Variants in GRIK4 observed in about 807,000 individuals in gnomAD.
GRIK4 encodes the protein glutamate receptor ionotropic, kainate 4.
In GRIK4, 40 loss-of-function variants were observed where a neutral mutation model predicts 104.9. The ratio of observed to expected loss-of-function variants is 0.38; its 90% confidence interval spans 0.30 to 0.50. GRIK4 has a LOEUF of 0.50. Ranked by LOEUF, GRIK4 falls within the 20% of genes least tolerant of loss-of-function variation. GRIK4 has a pLI of 0.93. For missense variants in GRIK4, 1,047 were observed against 1,308.1 expected (o/e 0.80, Z 3.08); for synonymous variants, 485 against 524.9 (o/e 0.92, Z 1.04).
chr11:120,792,015 G>T (rs1428459203), intron 3 of GRIK4, among the ~76,000 whole-genome samples: 3 of 152,186 alleles, frequency 2.0e-5, no homozygotes, highest in Non-Finnish European at 2.9e-5. Context: ...TTGGGGATGG[G>T]AAGAATTAAA....
chr11:120,525,344 G>A (rs1189921578), intron 1 of GRIK4, among the ~76,000 whole-genome samples: 1 of 152,116 alleles, frequency 6.6e-6, no homozygotes, highest in Non-Finnish European at 1.5e-5. Context: ...TAGTGCCTTT[G>A]GTATCATACC....
intron 3 of GRIK4, among the ~76,000 whole-genome samples, chr11:120,766,746 C>A (rs1188635924): frequency 2.6e-5 from 4 of 151,788 alleles, no homozygotes; most frequent in Non-Finnish European, 5.9e-5. Context: ...TGAGACGACA[C>A]CCCACCCTGC....
chr11:120,601,627 CTGT>C (rs1022300931), intron 1 of GRIK4, among the ~76,000 whole-genome samples: 20 of 126,844 alleles, frequency 1.6e-4, no homozygotes, highest in Non-Finnish European at 2.7e-4. Context: ...TTTTTTGGTT[CTGT>C]TGTTGTTGTG....
chr11:120,881,894 G>A (rs577126404), intron 11 of GRIK4, among the ~76,000 whole-genome samples: 1 of 152,206 alleles, frequency 6.6e-6, no homozygotes, highest in East Asian at 1.9e-4. Flanking sequence ...TGAGAACTCT[G>A]GAAAATAGCT....
intron 1 of GRIK4, among the ~76,000 whole-genome samples, chr11:120,652,547 C>A (rs1179931570): frequency 6.6e-6 from 1 of 152,202 alleles, no homozygotes; most frequent in African/African-American, 2.4e-5. Flanking sequence ...CTGCTGGCTG[C>A]CACTTGGAGT....
At chr11:120,873,632 G>T in intron 9 of GRIK4, 1 of 162,966 alleles carries the variant, frequency 6.1e-6, no homozygotes. Flanking sequence ...TCTTGTAGGA[G>T]GAAGTGACCT....
intron 3 of GRIK4, among the ~76,000 whole-genome samples, chr11:120,667,953 C>T (rs929179025): frequency 2.4e-4 from 36 of 152,228 alleles, no homozygotes; most frequent in African/African-American, 7.9e-4. Flanking sequence ...AAAGGTTCAT[C>T]GTGTCTGTAG....
chr11:120,546,704 C>T (rs892673032), intron 1 of GRIK4, among the ~76,000 whole-genome samples: 9 of 152,146 alleles, frequency 5.9e-5, no homozygotes, highest in Non-Finnish European at 1.2e-4. Flanking sequence ...TCAGCTCCCT[C>T]ATTAGCCTTG....
chr11:120,677,531 A>G (rs1950118934), intron 3 of GRIK4, among the ~76,000 whole-genome samples: 1 of 152,230 alleles, frequency 6.6e-6, no homozygotes, highest in South Asian at 2.1e-4. Flanking sequence ...TAATACTGAC[A>G]ATGCCCTGTT....
At chr11:120,602,702 C>T (rs1948902791) in intron 1 of GRIK4, among the ~76,000 whole-genome samples, 1 of 152,120 alleles carries the variant, frequency 6.6e-6, no homozygotes, top group South Asian at 2.1e-4. Flanking sequence ...TCGTTAGTAT[C>T]TTCTTCTTAT....
At chr11:120,566,025 A>G (rs796390354) in intron 1 of GRIK4, among the ~76,000 whole-genome samples, 2 of 152,352 alleles carry the variant, frequency 1.3e-5, no homozygotes, top group African/African-American at 2.4e-5. Context: ...TCTCTAGGAT[A>G]AAAATCTGAG....
Position 120,600,899 on chromosome 11 carries a change from CA to C in GRIK4, c.-158-52780del. 1.4e-5 allele frequency among the ~76,000 whole-genome samples: 2 copies of C among 147,738 alleles called. 1 individual carries two copies. Among genetic ancestry groups the C allele is most frequent in the Non-Finnish European group, 3.0e-5 (2 of 66,862 alleles). On this transcript the variant is annotated intron_variant, in intron 1 of 20. Transcript: ENST00000527524. Reference sequence around the variant, plus strand: ...GCAACATACTGAGATCCCATCCCTACAAAAAATACAAAAAGGTGTGGTGGCA... The same window carrying C: ...GCAACATACTGAGATCCCATCCCTACAAAAATACAAAAAGGTGTGGTGGCA...
chr11:120,539,547 G>A (rs1293667129), intron 1 of GRIK4, among the ~76,000 whole-genome samples: 1 of 152,184 alleles, frequency 6.6e-6, no homozygotes, highest in Non-Finnish European at 1.5e-5. Context: ...TGTGGCCATC[G>A]GCTGTGAAGG....
chr11:120,965,750 G>A (rs1361604999), intron 18 of GRIK4, among the ~76,000 whole-genome samples: 2 of 152,174 alleles, frequency 1.3e-5, no homozygotes, highest in African/African-American at 4.8e-5. Flanking sequence ...CATCACCTTG[G>A]GGCTTGTTGG....
intron 11 of GRIK4, among the ~76,000 whole-genome samples, chr11:120,886,260 A>G (rs1473522472): frequency 1.3e-5 from 2 of 152,196 alleles, no homozygotes; most frequent in Non-Finnish European, 2.9e-5. Flanking sequence ...TCATACTGTA[A>G]ACAAGTGTCC....
chr11:120,921,202 T>G (rs1439394192), intron 13 of GRIK4, among the ~76,000 whole-genome samples: 3 of 152,196 alleles, frequency 2.0e-5, no homozygotes, highest in Non-Finnish European at 2.9e-5. Flanking sequence ...AAAACCACCT[T>G]GCTTATTATG....
chr11:120,613,920 T>C (rs1949071236), intron 1 of GRIK4, among the ~76,000 whole-genome samples: 1 of 152,214 alleles, frequency 6.6e-6, no homozygotes, highest in South Asian at 2.1e-4. Flanking sequence ...AAAAGAGGAA[T>C]CTGTGAACTC....
chr11:120,729,136 C>T (rs1397900606), intron 3 of GRIK4, among the ~76,000 whole-genome samples: 1 of 152,104 alleles, frequency 6.6e-6, no homozygotes, highest in Non-Finnish European at 1.5e-5. Flanking sequence ...TGTATATGTA[C>T]CACATTTTCT....
At chr11:120,817,411 A>G (rs146736028) in intron 5 of GRIK4, among the ~76,000 whole-genome samples, 98 of 152,270 alleles carry the variant, frequency 6.4e-4, no homozygotes, top group African/African-American at 2.2e-3. Context: ...TTCTAGAGCA[A>G]CTTTTCCTCT....
Sources: gnomAD v4.1 joint callset for allele counts (sites outside exome capture counted in the v4.1 genomes callset) on GRCh38, gnomAD v4.1.1 for gene constraint, MANE v1.5 for transcripts, NCBI Gene and HGNC (gene_info 2026-07-23, HGNC 2026-07-21) for gene names.